Variants in SGCZ observed in about 807,000 individuals in gnomAD.
SGCZ encodes zeta-sarcoglycan.
A neutral mutation model predicts 41.3 loss-of-function variants in SGCZ; 40 were observed. The ratio of observed to expected loss-of-function variants is 0.97; its 90% CI spans 0.75 to 1.26. SGCZ has a LOEUF of 1.26. Ranked by LOEUF, SGCZ falls within the 50% of genes most tolerant of loss-of-function variation. The pLI, the probability that SGCZ is intolerant of heterozygous loss-of-function variation, is 0.00. For synonymous variants in SGCZ, 206 were observed against 137.5 expected (o/e 1.50, Z -3.49); for missense variants, 552 against 369.8 (o/e 1.49, Z -4.04).
chr8:14,184,701 A>G (rs914538113), intron 4 of SGCZ, among the ~76,000 whole-genome samples: 2 of 152,194 alleles, frequency 1.3e-5, no homozygotes, highest in Admixed American at 6.5e-5. Flanking sequence ...CTAAAAACAG[A>G]TATTTTCCAA....
chr8:14,203,147 T>G (rs150190268), intron 4 of SGCZ, among the ~76,000 whole-genome samples: 420 of 152,310 alleles, frequency 2.8e-3, no homozygotes, highest in African/African-American at 9.7e-3. Context: ...CTCTTTCTTT[T>G]GTAAATTGCC....
At chr8:14,373,136 G>A (rs1165290005) in intron 2 of SGCZ, among the ~76,000 whole-genome samples, 3 of 152,134 alleles carry the variant, frequency 2.0e-5, no homozygotes, top group Non-Finnish European at 2.9e-5. Flanking sequence ...GATTTAATAA[G>A]AAATCATATT....
At chr8:14,888,230 T>C (rs1327749289) in intron 1 of SGCZ, among the ~76,000 whole-genome samples, 1 of 152,130 alleles carries the variant, frequency 6.6e-6, no homozygotes, top group Non-Finnish European at 1.5e-5. Context: ...TGACAAAAGA[T>C]GGCTAAGATT....
chr8:15,123,856 C>T (rs558446475), intron 1 of SGCZ, among the ~76,000 whole-genome samples: 3 of 152,020 alleles, frequency 2.0e-5, no homozygotes, highest in South Asian at 2.1e-4. Flanking sequence ...CGGAAGAAAA[C>T]GTATTTCAGG....
At chr8:15,227,994 G>A (rs980659838) in intron 1 of SGCZ, among the ~76,000 whole-genome samples, 4 of 151,994 alleles carry the variant, frequency 2.6e-5, no homozygotes, top group Non-Finnish European at 5.9e-5. Flanking sequence ...GGCTTAAATC[G>A]TATCTTTCCA....
At chr8:15,101,699 G>T (rs1026424427) in intron 1 of SGCZ, among the ~76,000 whole-genome samples, 2 of 152,142 alleles carry the variant, frequency 1.3e-5, no homozygotes, top group African/African-American at 4.8e-5. Context: ...GCGAGGATGA[G>T]GCAGGCAGAT....
In SGCZ at chr8:14,850,020, T is replaced by C. The variant is rs1403324033; in HGVS notation, c.40-295094A>G. On this transcript the variant is annotated intron_variant, in intron 1 of 7. Coordinates refer to ENST00000382080, the MANE Select transcript of SGCZ (RefSeq NM_139167.4). ...AACATTCTACTGAATAGCCCTATTA[T>C]GGATTTTTGCAAACTGTTATACCCA... 2.6e-5 allele frequency among the ~76,000 whole-genome samples: 4 copies of C among 152,218 alleles called. No individual in the cohort carries two copies. In the South Asian group the frequency reaches 6.2e-4, roughly 24 times the overall value.
At chr8:14,111,456 G>A (rs1271242145) in intron 5 of SGCZ, among the ~76,000 whole-genome samples, 4 of 151,676 alleles carry the variant, frequency 2.6e-5, no homozygotes, top group Non-Finnish European at 5.9e-5. Flanking sequence ...CAAAAAAGAA[G>A]GATAGACATA....
chr8:14,133,634 T>C lies in SGCZ; in HGVS notation c.548-25399A>G, dbSNP rs13267252. Reference sequence around the variant, plus strand: ...GGACAAGTAAAAAACTCCTCAAAGATTTTTACCATTTTGAAGTCACTTTTT... The same window carrying C: ...GGACAAGTAAAAAACTCCTCAAAGACTTTTACCATTTTGAAGTCACTTTTT... On this transcript the variant is annotated intron_variant, in intron 5 of 7. Coordinates refer to ENST00000382080, the MANE Select transcript of SGCZ (RefSeq NM_139167.4). 4.3e-3 allele frequency among the ~76,000 whole-genome samples: 656 copies of C among 152,246 alleles called. 6 individuals are homozygous for C. Among genetic ancestry groups the C allele is most frequent in the Non-Finnish European group, 8.0e-3 (547 of 68,026 alleles).
At chr8:15,072,171 CAT>C (rs1476906137) in intron 1 of SGCZ, among the ~76,000 whole-genome samples, 1 of 152,144 alleles carries the variant, frequency 6.6e-6, no homozygotes, top group African/African-American at 2.4e-5. Context: ...CAATGCTGCA[CAT>C]GTCTCGTCCC....
chr8:14,739,877 A>G (rs1034915283), intron 1 of SGCZ, among the ~76,000 whole-genome samples: 3 of 151,990 alleles, frequency 2.0e-5, no homozygotes, highest in African/African-American at 4.8e-5. Context: ...TTCTCATTTA[A>G]TTTCACTACA....
intron 1 of SGCZ, among the ~76,000 whole-genome samples, chr8:14,969,712 T>C (rs1801231366): frequency 6.6e-6 from 1 of 152,082 alleles, no homozygotes; most frequent in Non-Finnish European, 1.5e-5. Flanking sequence ...GTGTCATATG[T>C]TAATTGTTCA....
intron 1 of SGCZ, among the ~76,000 whole-genome samples, chr8:14,838,256 C>A (rs1802772156): frequency 6.6e-6 from 1 of 151,932 alleles, no homozygotes; most frequent in Admixed American, 6.6e-5. Context: ...AGTAGTAGCA[C>A]AATAGGATGA....
intron 3 of SGCZ, among the ~76,000 whole-genome samples, chr8:14,315,499 A>G (rs1801685536): frequency 6.6e-6 from 1 of 152,118 alleles, no homozygotes; most frequent in African/African-American, 2.4e-5. Flanking sequence ...GATAAAAAAC[A>G]GTCAAAGCAA....
intron 1 of SGCZ, among the ~76,000 whole-genome samples, chr8:15,228,612 C>A (rs1466730093): frequency 6.6e-6 from 1 of 152,086 alleles, no homozygotes; most frequent in Non-Finnish European, 1.5e-5. Context: ...AAGTAACAGA[C>A]AACAGAAATA....
chr8:15,236,894 C>T (rs1802143218), intron 1 of SGCZ, among the ~76,000 whole-genome samples: 1 of 152,230 alleles, frequency 6.6e-6, no homozygotes, highest in Non-Finnish European at 1.5e-5. Flanking sequence ...CCTACCAGCC[C>T]GGCTCCCGCC....
In SGCZ at chr8:15,172,790, A is replaced by C. The variant is rs191300435; in HGVS notation, c.39+64795T>G. Reference sequence around the variant, plus strand: ...TGCTTCAGACATTTGGCAAAAGTAGATACTTTAAAAAATTATGCAATACCA... The same window carrying C: ...TGCTTCAGACATTTGGCAAAAGTAGCTACTTTAAAAAATTATGCAATACCA... On this transcript the variant is annotated intron_variant, in intron 1 of 7. Coordinates refer to ENST00000382080, the MANE Select transcript of SGCZ (RefSeq NM_139167.4). Among the ~76,000 whole-genome samples the C allele has an allele frequency of 8.0e-3, 1,216 of 152,324 alleles. 12 individuals are homozygous for C. Among genetic ancestry groups the C allele is most frequent in the Middle Eastern group, 0.027 (8 of 294 alleles).
rs114253267 is a variant in SGCZ at position 14,853,343 on chromosome 8, G to T, written c.40-298417C>A. The T allele has an allele frequency of 2.8e-3, 1,109 of 396,622 alleles. 6 individuals are homozygous for T. The highest frequency in any genetic ancestry group is 0.021 in the African/African-American group (1,015 of 48,664). 24.6% of individuals were successfully genotyped at this position (396,622 alleles called of 1,614,324 possible). A position where few individuals can be genotyped will look rare whatever the true frequency, so the allele number is the denominator to read the frequency against. ...CATGGCACTTTTCATCTCACCTGAAGCATGCTGGCCACTCCAGTCCACCAA... is the reference window on the plus strand; with the variant it reads ...CATGGCACTTTTCATCTCACCTGAATCATGCTGGCCACTCCAGTCCACCAA... On this transcript the variant is annotated intron_variant, in intron 1 of 7. Transcript: ENST00000382080.
chr8:15,210,177 C>T (rs1404260290), intron 1 of SGCZ, among the ~76,000 whole-genome samples: 1 of 152,114 alleles, frequency 6.6e-6, no homozygotes, highest in Non-Finnish European at 1.5e-5. Flanking sequence ...AATTAGAATC[C>T]TACCATCATC....
Sources: allele counts gnomAD v4.1 joint callset (sites outside exome capture counted in the v4.1 genomes callset), GRCh38; gene constraint gnomAD v4.1.1; transcripts MANE v1.5; gene names NCBI Gene and HGNC (gene_info 2026-07-23, HGNC 2026-07-21).